The following PRTFDC1 variants were observed in gnomAD, a reference collection of about 807,000 sequenced individuals.
PRTFDC1 encodes phosphoribosyltransferase domain-containing protein 1.
A neutral mutation model predicts 34.6 loss-of-function variants in PRTFDC1; 38 were observed. That is an observed-to-expected ratio of 1.10 (90% CI 0.85 to 1.44). The LOEUF is 1.44. Among genes scored for constraint, PRTFDC1 ranks in the 40% most tolerant of loss-of-function variants. The probability of loss-of-function intolerance (pLI) is 0.00; values close to 1 mark genes in which losing one functional copy is unlikely to be tolerated. For missense variants in PRTFDC1, 270 were observed against 283.0 expected (o/e 0.95, Z 0.33); for synonymous variants, 93 against 98.1 (o/e 0.95, Z 0.31).
intron 3 of PRTFDC1, among the ~76,000 whole-genome samples, chr10:24,902,425 C>T (rs1187332449): frequency 6.6e-6 from 1 of 152,064 alleles, no homozygotes; most frequent in Non-Finnish European, 1.5e-5. Context: ...GTCATTGGAA[C>T]CTTGAGCAGG....
intron 6 of PRTFDC1, among the ~76,000 whole-genome samples, chr10:24,855,590 C>G (rs1847559099): frequency 6.6e-6 from 1 of 151,774 alleles, no homozygotes; most frequent in Admixed American, 6.6e-5. Flanking sequence ...GCCCAGAGTT[C>G]AAGACCAGTC....
intron 3 of PRTFDC1, among the ~76,000 whole-genome samples, chr10:24,926,030 A>G (rs567432694): frequency 5.3e-5 from 8 of 152,292 alleles, no homozygotes; most frequent in Middle Eastern, 6.8e-3. Context: ...GTACTCCTGC[A>G]GAACTAGAGG....
chr10:24,951,747 A>G lies in PRTFDC1; in HGVS notation c.48+781T>C, dbSNP rs116694800. 1,986 of 311,630 alleles carry G rather than the reference A, an allele frequency of 6.4e-3. 35 individuals are homozygous for G. The highest frequency in any genetic ancestry group is 0.041 in the African/African-American group (1,830 of 44,312). 19.3% of individuals were successfully genotyped at this position (311,630 alleles called of 1,614,324 possible). On this transcript the variant is annotated intron_variant, in intron 1 of 8. Coordinates refer to ENST00000320152, the MANE Select transcript of PRTFDC1 (RefSeq NM_020200.7). Reference sequence around the variant, plus strand: ...CAGGGAGGACGTGGCCACAAGGTCAAGAACGGGTTGGATCCTAGCACACTG... The same window carrying G: ...CAGGGAGGACGTGGCCACAAGGTCAGGAACGGGTTGGATCCTAGCACACTG...
At chr10:24,901,153 C>A (rs1848443553) in intron 3 of PRTFDC1, among the ~76,000 whole-genome samples, 1 of 152,134 alleles carries the variant, frequency 6.6e-6, no homozygotes, top group Non-Finnish European at 1.5e-5. Context: ...TATCACAAGC[C>A]ACAATTATAA....
chr10:24,921,112 C>A (rs552530667), intron 3 of PRTFDC1, among the ~76,000 whole-genome samples: 1 of 151,562 alleles, frequency 6.6e-6, no homozygotes, highest in Non-Finnish European at 1.5e-5. Flanking sequence ...AACAAAAAAA[C>A]AAAAAACAAA....
rs1006000087 is a variant in PRTFDC1, at chr10:24,906,993, A to G, written c.339+30191T>C. ...TAGCATATAAAGCAACTTATGTTTTACTTTCCTGAATATAAAAGTCATATG... is the reference window on the plus strand; with the variant it reads ...TAGCATATAAAGCAACTTATGTTTTGCTTTCCTGAATATAAAAGTCATATG... On this transcript the variant is annotated intron_variant, in intron 3 of 8. Coordinates refer to ENST00000320152, the MANE Select transcript of PRTFDC1 (RefSeq NM_020200.7). Among the ~76,000 whole-genome samples the G allele has an allele frequency of 1.3e-5, 2 of 152,240 alleles. 1 individual carries two copies. Among genetic ancestry groups the G allele is most frequent in the South Asian group, 4.1e-4 (2 of 4,836 alleles).
At chr10:24,876,548 G>A (rs185046949) in intron 3 of PRTFDC1, among the ~76,000 whole-genome samples, 60 of 151,888 alleles carry the variant, frequency 4.0e-4, no homozygotes, top group African/African-American at 1.4e-3. Context: ...ACAAAAATTA[G>A]CCAGGTATGT....
At chr10:24,936,789 T>C (rs1306109800) in intron 3 of PRTFDC1, among the ~76,000 whole-genome samples, 1 of 152,120 alleles carries the variant, frequency 6.6e-6, no homozygotes. Flanking sequence ...CTAAGACTCC[T>C]CTCTGGGCTG....
intron 2 of PRTFDC1, among the ~76,000 whole-genome samples, chr10:24,938,808 A>G (rs1409779995): frequency 6.6e-6 from 1 of 152,222 alleles, no homozygotes; most frequent in Non-Finnish European, 1.5e-5. Flanking sequence ...ATGTGCAGAG[A>G]AGGCACAAGA....
rs1847438222 is a variant in PRTFDC1 at position 24,849,069 on chromosome 10, T to A, written c.*775A>T. On this transcript the variant is annotated 3_prime_UTR_variant, in exon 9 of 9. Transcript: ENST00000320152. ...CCCCTAATTCTGCCATTTGCTCATG[T>A]CCCACATGAATAAAAGGATACAGCT... 1 of 152,224 alleles carries A rather than the reference T, an allele frequency of 6.6e-6. No individual in the cohort carries two copies. 9.4% of individuals were successfully genotyped at this position (152,224 alleles called of 1,614,324 possible).
At chr10:24,887,725 C>A (rs140800352) in intron 3 of PRTFDC1, among the ~76,000 whole-genome samples, 61 of 152,214 alleles carry the variant, frequency 4.0e-4, no homozygotes, top group African/African-American at 1.4e-3. Context: ...GCTTAGATAT[C>A]CAAATTAAGT....
At chr10:24,877,478 T>C (rs1847987759) in intron 3 of PRTFDC1, among the ~76,000 whole-genome samples, 1 of 152,230 alleles carries the variant, frequency 6.6e-6, no homozygotes, top group African/African-American at 2.4e-5. Context: ...CATTGTTTTA[T>C]TTTCTTTTGC....
chr10:24,914,438 G>A (rs145537955), intron 3 of PRTFDC1, among the ~76,000 whole-genome samples: 196 of 152,256 alleles, frequency 1.3e-3, no homozygotes, highest in Middle Eastern at 6.8e-3. Flanking sequence ...GTAAAAATAC[G>A]TAAGGTTGAG....
chr10:24,941,048 GTGTGTGTGTGTGTT>G (rs1849147687), intron 2 of PRTFDC1, among the ~76,000 whole-genome samples: 1 of 151,008 alleles, frequency 6.6e-6, no homozygotes, highest in East Asian at 2.0e-4. Flanking sequence ...GTGTGTGTGT[GTGTGTGTGTGTGTT>G]TGTGTGTTTG....
intron 2 of PRTFDC1, 65 bp from the exon 3 acceptor site, chr10:24,937,432 A>G: frequency 2.8e-6 from 4 of 1,415,768 alleles, no homozygotes; most frequent in Non-Finnish European, 3.9e-6. Context: ...TGCTTTAATG[A>G]AATGCAAGAT....
Position 24,851,412 on chromosome 10 carries a change from G to A in PRTFDC1, c.606C>T (p.Tyr202=). ...CATTCAGATCTCTGAAGTATTCATT[G>A]TAATCTAAGGCATATCCCACCACAA... ...NLFVVGYALD[Y]NEYFRDLNHI... The change falls in exon 8 of 9, where the codon TAC becomes TAT. Residue 202 remains tyrosine, a synonymous_variant. Coordinates refer to ENST00000320152, the MANE Select transcript of PRTFDC1 (RefSeq NM_020200.7). The A allele has an allele frequency of 1.2e-6, 2 of 1,612,302 alleles. No homozygotes were observed. Among genetic ancestry groups the A allele is most frequent in the African/African-American group, 2.7e-5 (2 of 74,866 alleles).
At chr10:24,874,597 A>G (rs940454497) in intron 3 of PRTFDC1, among the ~76,000 whole-genome samples, 3 of 152,236 alleles carry the variant, frequency 2.0e-5, no homozygotes, top group Admixed American at 6.5e-5. Flanking sequence ...TACTATTTTC[A>G]TCTTCATTCT....
chr10:24,952,313 G>A lies in PRTFDC1; in HGVS notation c.48+215C>T, dbSNP rs1849359117. Among the ~76,000 whole-genome samples the A allele has an allele frequency of 6.6e-6, 1 of 151,966 alleles. No homozygotes were observed. Among genetic ancestry groups the A allele is most frequent in the Non-Finnish European group, 1.5e-5 (1 of 67,994 alleles). ...GCCGGAGGACACGGGGGGACGCTGG[G>A]AACTCGGGGTGAAGGGACGGGACTC... is the stretch of plus-strand genomic sequence containing the variant. On this transcript the variant is annotated intron_variant, in intron 1 of 8. Coordinates refer to ENST00000320152, the MANE Select transcript of PRTFDC1 (RefSeq NM_020200.7). The surrounding 1 kb of genome is among the most constrained non-coding windows in gnomAD (Gnocchi z 5.1).
chr10:24,896,149 C>T (rs1383118161), intron 3 of PRTFDC1, among the ~76,000 whole-genome samples: 2 of 152,072 alleles, frequency 1.3e-5, no homozygotes, highest in Non-Finnish European at 2.9e-5. Flanking sequence ...GGTCTGTGGT[C>T]GTTGGGAACA....
Sources: allele counts gnomAD v4.1 joint callset (sites outside exome capture counted in the v4.1 genomes callset), GRCh38; gene constraint gnomAD v4.1.1; non-coding constraint Gnocchi (gnomAD v3.1); transcripts MANE v1.5; gene names NCBI Gene and HGNC (gene_info 2026-07-23, HGNC 2026-07-21).